RHBDL3: variants seen among roughly 807,000 people sequenced by gnomAD.
RHBDL3 encodes rhomboid-related protein 3.
A neutral mutation model predicts 48.2 loss-of-function variants in RHBDL3; 28 were observed. The ratio of observed to expected loss-of-function variants is 0.58; its 90% CI spans 0.43 to 0.80. The LOEUF (loss-of-function observed/expected upper bound fraction) is 0.80. Ranked by LOEUF, RHBDL3 falls within the 30% of genes least tolerant of loss-of-function variation. The pLI is 0.00. For synonymous variants in RHBDL3, 208 were observed against 232.3 expected (o/e 0.90, Z 0.95); for missense variants, 464 against 542.7 (o/e 0.85, Z 1.44).
chr17:32,271,514 A>G (rs2039774467), intron 2 of RHBDL3, among the ~76,000 whole-genome samples: 1 of 152,188 alleles, frequency 6.6e-6, no homozygotes, highest in Non-Finnish European at 1.5e-5. Flanking sequence ...CTTTGATTCA[A>G]GGTCAAATAT....
chr17:32,324,151 A>C lies in RHBDL3; in HGVS notation c.*2922A>C, dbSNP rs1002771922. 1.8e-4 allele frequency: 27 copies of C among 152,646 alleles called. No individual in the cohort carries two copies. The highest frequency in any genetic ancestry group is 5.3e-4 in the African/African-American group (22 of 41,468). The allele number at this position is 152,646 out of a possible 1,614,324, so 9.5% of individuals were successfully genotyped here. On this transcript the variant is annotated 3_prime_UTR_variant, in exon 9 of 9. Transcript: ENST00000269051. ...GCCATAGACTCACTGGCTCTCATTA[A>C]ACGGGAGAGGAATCACAGAAACTGG...
chr17:32,314,391 A>T (rs115574334), intron 7 of RHBDL3, among the ~76,000 whole-genome samples: 7,239 of 149,964 alleles, frequency 0.048, 493 homozygotes, highest in African/African-American at 0.15. Context: ...TTTTATTTTT[A>T]TTTTTTTTGA....
intron 8 of RHBDL3, among the ~76,000 whole-genome samples, chr17:32,318,366 GTGGCTCACGCCTGT>G (rs1356096447): frequency 5.3e-5 from 8 of 150,618 alleles, no homozygotes; most frequent in Middle Eastern, 3.4e-3. Context: ...GCCAGGCGCA[GTGGCTCACGCCTGT>G]ACTCCCAGCA....
chr17:32,286,237 G>A (rs928800722), intron 3 of RHBDL3, among the ~76,000 whole-genome samples: 6 of 152,242 alleles, frequency 3.9e-5, no homozygotes, highest in Admixed American at 1.3e-4. Flanking sequence ...CTTAGGGCAC[G>A]TGGGGCCCAG....
At chr17:32,298,544 G>A (rs1326698835) in intron 6 of RHBDL3, among the ~76,000 whole-genome samples, 1 of 152,222 alleles carries the variant, frequency 6.6e-6, no homozygotes, top group East Asian at 1.9e-4. Flanking sequence ...GCTTTAAGAG[G>A]GAACTAATGA....
In RHBDL3 at chr17:32,316,290, G is replaced by C; in HGVS notation, c.941G>C (p.Cys314Ser). The change falls in exon 8 of 9, where the codon TGT becomes TCT. Residue 314 changes from cysteine to serine, a missense_variant and splice_region_variant. Transcript: ENST00000269051. ...CTGCGGATGGCTGTGGCCCTTATCT[G>C]TAGTAAGTACTGATGGGGCGCTGGG... is the stretch of plus-strand genomic sequence containing the variant. ...KLLRMAVALI[C>S]MSMEFGRAVW... 6.2e-7 allele frequency: 1 copy of C among 1,612,278 alleles called. No individual in the cohort carries two copies. Among genetic ancestry groups the C allele is most frequent in the Non-Finnish European group, 8.5e-7 (1 of 1,178,370 alleles).
At chr17:32,266,727 G>A (rs1390975034) in intron 1 of RHBDL3, among the ~76,000 whole-genome samples, 1 of 152,200 alleles carries the variant, frequency 6.6e-6, no homozygotes, top group Non-Finnish European at 1.5e-5. Context: ...CATGCAAGCC[G>A]GCCTGGCGAC....
intron 2 of RHBDL3, among the ~76,000 whole-genome samples, chr17:32,268,967 G>A (rs1008087330): frequency 6.6e-6 from 1 of 152,166 alleles, no homozygotes; most frequent in Non-Finnish European, 1.5e-5. Flanking sequence ...GAGGGACATG[G>A]TGATGGAAGA....
At chr17:32,309,327 C>T (rs1002555606) in intron 7 of RHBDL3, among the ~76,000 whole-genome samples, 9 of 151,696 alleles carry the variant, frequency 5.9e-5, no homozygotes. Context: ...GCGAGGCAGG[C>T]GGATCAACTG....
chr17:32,278,108 G>T (rs2039956338), intron 2 of RHBDL3, among the ~76,000 whole-genome samples: 1 of 152,064 alleles, frequency 6.6e-6, no homozygotes, highest in Non-Finnish European at 1.5e-5. Flanking sequence ...GACTAGCCTG[G>T]CCAACATGGT....
chr17:32,309,770 C>CTTT (rs11346917), intron 7 of RHBDL3, among the ~76,000 whole-genome samples: 9 of 124,832 alleles, frequency 7.2e-5, no homozygotes, highest in East Asian at 2.7e-4. Flanking sequence ...ATCAAGACTT[C>CTTT]TTTTTTTTTT....
In RHBDL3 at chr17:32,321,589, T is replaced by A; in HGVS notation, c.*360T>A. The stretch of plus-strand genomic sequence containing the variant: ...GGATTGAGCAGCAGCTTCTTCCTCC[T>A]CCTCTACCCTCAGAGACCCTAAGAG... On this transcript the variant is annotated 3_prime_UTR_variant, in exon 9 of 9. Transcript: ENST00000269051. 6 of 408,256 alleles carry A rather than the reference T, an allele frequency of 1.5e-5. No individual in the cohort carries two copies. The highest frequency in any genetic ancestry group is 5.6e-5 in the East Asian group (1 of 17,792). 25.3% of individuals were successfully genotyped at this position (408,256 alleles called of 1,614,324 possible). A position where few individuals can be genotyped will look rare whatever the true frequency, so the allele number is the denominator to read the frequency against.
chr17:32,318,797 G>A (rs1475570954), intron 8 of RHBDL3, among the ~76,000 whole-genome samples: 1 of 152,088 alleles, frequency 6.6e-6, no homozygotes, highest in East Asian at 1.9e-4. Flanking sequence ...AGGTCTGGGA[G>A]GGCTCCACTT....
At chr17:32,279,467 G>A (rs990690209) in intron 2 of RHBDL3, among the ~76,000 whole-genome samples, 2 of 152,096 alleles carry the variant, frequency 1.3e-5, no homozygotes, top group South Asian at 2.1e-4. Flanking sequence ...CTCCTGCTCC[G>A]TGATTTCTGA....
chr17:32,269,473 G>A (rs116812016), intron 2 of RHBDL3, among the ~76,000 whole-genome samples: 2,016 of 152,362 alleles, frequency 0.013, 33 homozygotes, highest in African/African-American at 0.046. Context: ...GTGATGACAC[G>A]GAATTGCAGC....
chr17:32,283,870 G>A (rs773294722), intron 2 of RHBDL3, among the ~76,000 whole-genome samples: 1 of 152,174 alleles, frequency 6.6e-6, no homozygotes, highest in Non-Finnish European at 1.5e-5. Flanking sequence ...CAGAACAGAG[G>A]GTTCCGTGAG....
intron 2 of RHBDL3, among the ~76,000 whole-genome samples, chr17:32,280,054 C>T (rs2040006269): frequency 6.6e-6 from 1 of 152,128 alleles, no homozygotes; most frequent in South Asian, 2.1e-4. Context: ...GGTGCTGGTG[C>T]GATTAAAGGC....
At chr17:32,282,211 A>G (rs1264369072) in intron 2 of RHBDL3, among the ~76,000 whole-genome samples, 4 of 152,192 alleles carry the variant, frequency 2.6e-5, no homozygotes, top group Non-Finnish European at 1.5e-5. Flanking sequence ...TTGTGAACCA[A>G]ACAGATGTCA....
chr17:32,313,966 C>T (rs1014305312), intron 7 of RHBDL3, among the ~76,000 whole-genome samples: 6 of 152,046 alleles, frequency 3.9e-5, no homozygotes, highest in Admixed American at 1.3e-4. Context: ...ACCATGTTAG[C>T]CAGGATGGTC....
Sources: allele counts gnomAD v4.1 joint callset (sites outside exome capture counted in the v4.1 genomes callset), GRCh38; gene constraint gnomAD v4.1.1; transcripts MANE v1.5; gene names NCBI Gene and HGNC (gene_info 2026-07-23, HGNC 2026-07-21).